RPL5: variants seen among roughly 807,000 people sequenced by gnomAD.
RPL5 encodes the protein large ribosomal subunit protein uL18.
Under a neutral mutation model 38.4 loss-of-function variants are expected in RPL5, and 1 was observed. The observed-to-expected ratio is 0.03, with a 90% confidence interval of 0.01 to 0.12. The LOEUF is 0.12. Ranked by LOEUF, RPL5 falls within the 10% of genes least tolerant of loss-of-function variation. The probability of loss-of-function intolerance (pLI) is 1.00; values close to 1 mark genes in which losing one functional copy is unlikely to be tolerated. For synonymous variants in RPL5, 109 were observed against 121.2 expected (o/e 0.90, Z 0.66); for missense variants, 243 against 374.1 (o/e 0.65, Z 2.89).
At chr1:92,841,646 C>T (rs1004730955) in intron 7 of RPL5, 120 bp from the exon 8 acceptor site, 1 of 596,520 alleles carries the variant, frequency 1.7e-6, no homozygotes, top group Non-Finnish European at 2.7e-6. Context: ...GATTATTTAA[C>T]CTTCTGATTG....
chr1:92,839,921 A>G (rs1445792457), intron 6 of RPL5, among the ~76,000 whole-genome samples: 1 of 151,670 alleles, frequency 6.6e-6, no homozygotes, highest in Non-Finnish European at 1.5e-5. Flanking sequence ...GCTCATTGCA[A>G]CTTCAGACTT....
chr1:92,837,807 A>G (rs1042505788), intron 6 of RPL5, 174 bp downstream of exon 6: 3 of 626,644 alleles, frequency 4.8e-6, no homozygotes, highest in African/African-American at 3.7e-5. Flanking sequence ...GACTTCAAGC[A>G]TCTGAAGATT....
chr1:92,837,918 C>T (rs777635356), intron 6 of RPL5: 2 of 421,900 alleles, frequency 4.7e-6, no homozygotes, highest in Non-Finnish European at 8.7e-6. Context: ...AGATAATAAA[C>T]TTCACTTATT....
chr1:92,836,398 A>G lies in RPL5; in HGVS notation c.527+6A>G, dbSNP rs1687127288. On this transcript the variant is annotated splice_donor_region_variant and intron_variant, in intron 5 of 7. Coordinates refer to ENST00000370321, the MANE Select transcript of RPL5 (RefSeq NM_000969.5). ...GGCTTGTCTATCCCTCACAGGTAAGAATACTATTTAAGACCTTGGTGCCTG... is the reference window on the plus strand; with the variant it reads ...GGCTTGTCTATCCCTCACAGGTAAGGATACTATTTAAGACCTTGGTGCCTG... 1 of 1,613,540 alleles carries G rather than the reference A, an allele frequency of 6.2e-7. No homozygotes were observed. Among genetic ancestry groups the G allele is most frequent in the Non-Finnish European group, 8.5e-7 (1 of 1,179,458 alleles).
intron 3 of RPL5, 94 bp from the exon 4 acceptor site, chr1:92,834,685 C>A (rs2100680160): frequency 1.4e-6 from 2 of 1,477,502 alleles, no homozygotes; most frequent in Non-Finnish European, 1.9e-6. Flanking sequence ...TCATCTGTGT[C>A]CATCAATGTT....
chr1:92,838,436 A>T (rs765065458), intron 6 of RPL5, among the ~76,000 whole-genome samples: 1 of 152,220 alleles, frequency 6.6e-6, no homozygotes, highest in Non-Finnish European at 1.5e-5. Flanking sequence ...TTCCTAACCT[A>T]TATCTTTATG....
At chr1:92,832,005 C>A, upstream of RPL5, 1 of 1,538,854 alleles carries the variant, frequency 6.5e-7, no homozygotes, top group Non-Finnish European at 8.8e-7. Context: ...CGTGACCGTC[C>A]GCGCTACATA....
chr1:92,834,949 G>A, intron 4 of RPL5, 36 bp downstream of exon 4: 1 of 1,599,710 alleles, frequency 6.3e-7, no homozygotes, highest in Non-Finnish European at 8.5e-7. Flanking sequence ...TGTAGTTTGT[G>A]GCTGATTGCT....
chr1:92,836,405 T>TTTAA lies in RPL5; in HGVS notation c.527+14_527+17dup. ...CTATCCCTCACAGGTAAGAATACTA[T>TTTAA]TTAAGACCTTGGTGCCTGGACCGTG... On this transcript the variant is annotated intron_variant, in intron 5 of 7. Coordinates refer to ENST00000370321, the MANE Select transcript of RPL5 (RefSeq NM_000969.5). 2 of 1,611,972 alleles carry TTTAA rather than the reference T, an allele frequency of 1.2e-6. No homozygotes were observed. The highest frequency in any genetic ancestry group is 2.2e-5 in the East Asian group (1 of 44,876).
chr1:92,832,170 T>C, intron 1 of RPL5, 53 bp downstream of exon 1: 1 of 1,611,996 alleles, frequency 6.2e-7, no homozygotes. Context: ...TTCCCTTTTC[T>C]TGCCCGTATG....
chr1:92,840,787 T>C lies in RPL5; in HGVS notation c.794+148T>C, dbSNP rs748316770. On this transcript the variant is annotated intron_variant, in intron 7 of 7. Transcript: ENST00000370321. ...AGGGAACCAGGTTTGCAAAAGTAAC[T>C]GTGGTGATGGAAATGTGTTAGCCTC... The C allele has an allele frequency of 1.2e-5, 9 of 747,016 alleles. No homozygotes were observed. The Admixed American group carries it at 1.5e-4, about 13-fold the overall frequency. 46.3% of individuals were successfully genotyped at this position (747,016 alleles called of 1,614,324 possible). A position where few individuals can be genotyped will look rare whatever the true frequency, so the allele number is the denominator to read the frequency against.
In RPL5 at chr1:92,832,111, C is replaced by T. The variant is rs1406499990; in HGVS notation, c.-4C>T. 4 of 1,614,052 alleles carry T rather than the reference C, an allele frequency of 2.5e-6. No individual in the cohort carries two copies. The highest frequency in any genetic ancestry group is 3.4e-6 in the Non-Finnish European group (4 of 1,180,030). ...GCAGCGGACGCCGGTCTCTGTTCCG[C>T]AGGATGGTGAGTGGATGCCTCGGTC... On this transcript the variant is annotated 5_prime_UTR_variant, in exon 1 of 8. Transcript: ENST00000370321.
rs563076914 is a variant in RPL5, at chr1:92,838,602, G to A, written c.705+969G>A. 1.7e-4 allele frequency among the ~76,000 whole-genome samples: 26 copies of A among 152,244 alleles called. No individual in the cohort carries two copies. In the South Asian group the frequency reaches 5.2e-3, roughly 30 times the overall value. On this transcript the variant is annotated intron_variant, in intron 6 of 7. Coordinates refer to ENST00000370321, the MANE Select transcript of RPL5 (RefSeq NM_000969.5). Reference sequence around the variant, plus strand: ...CTGGCTCATTAATTTTATCTACAGTGGCCTCTATCCTCCTGTGTGCCTGCT... The same window carrying A: ...CTGGCTCATTAATTTTATCTACAGTAGCCTCTATCCTCCTGTGTGCCTGCT...
In RPL5 at chr1:92,834,817, C is replaced by T. The variant is rs370284124; in HGVS notation, c.228C>T (p.Cys76=). The T allele has an allele frequency of 1.2e-4, 186 of 1,612,646 alleles. No homozygotes were observed. The highest frequency in any genetic ancestry group is 1.4e-4 in the Non-Finnish European group (166 of 1,179,886). The change falls in exon 4 of 8, where the codon TGC becomes TGT. Residue 76 remains cysteine, a synonymous_variant. Coordinates refer to ENST00000370321, the MANE Select transcript of RPL5 (RefSeq NM_000969.5). ...GTATAGAGGGGGATATGATAGTCTG[C>T]GCAGCGTATGCACACGAACTGCCAA... ...YARIEGDMIV[C]AAYAHELPKY... is the part of the protein sequence containing the mutation.
chr1:92,834,726 T>C (rs997010173), intron 3 of RPL5, 53 bp from the exon 4 acceptor site: 26 of 1,606,636 alleles, frequency 1.6e-5, no homozygotes, highest in African/African-American at 2.7e-5. Context: ...AATTAAGATG[T>C]AGTAAGACAG....
In RPL5 at chr1:92,832,060, C is replaced by T. The variant is rs116168890; in HGVS notation, c.-55C>T. ...GTGGCCCTTTTCCCACCCCCTAGCG[C>T]CGCTGGGCCTGCAGGTCTCTGTCGA... On this transcript the variant is annotated 5_prime_UTR_variant, in exon 1 of 8. Transcript: ENST00000370321. 3 of 1,612,240 alleles carry T rather than the reference C, an allele frequency of 1.9e-6. No homozygotes were observed. The highest frequency in any genetic ancestry group is 1.7e-5 in the Admixed American group (1 of 59,776).
intron 4 of RPL5, 63 bp downstream of exon 4, chr1:92,834,976 A>G: frequency 6.3e-7 from 1 of 1,596,374 alleles, no homozygotes. Flanking sequence ...GTTTTCTGCA[A>G]GATGTTTGTA....
Position 92,837,629 on chromosome 1 carries a change from A to C in RPL5, c.701A>C (p.Asp234Ala). ...SQYIKNSVTP[D>A]MMEEMYKKAH... ...TACATAAAGAACAGCGTAACTCCAG[A>C]CATGGTAAAACATTTACCTAAAAAT... is the stretch of plus-strand genomic sequence containing the variant. The change falls in exon 6 of 8, where the codon GAC (aspartate) becomes GCC (alanine). Residue 234 changes from aspartate to alanine, a missense_variant. Transcript: ENST00000370321. 6.2e-7 allele frequency: 1 copy of C among 1,611,496 alleles called. No individual in the cohort carries two copies. The highest frequency in any genetic ancestry group is 8.5e-7 in the Non-Finnish European group (1 of 1,179,114).
intron 5 of RPL5, chr1:92,836,647 A>G: frequency 4.1e-6 from 2 of 492,164 alleles, no homozygotes; most frequent in Non-Finnish European, 3.7e-6. Context: ...TGAAACCACT[A>G]CCTTTTGCAT....
Sources: gnomAD v4.1 joint callset for allele counts (sites outside exome capture counted in the v4.1 genomes callset) on GRCh38, gnomAD v4.1.1 for gene constraint, MANE v1.5 for transcripts, NCBI Gene and HGNC (gene_info 2026-07-23, HGNC 2026-07-21) for gene names.